ZC3H12B: variants seen among roughly 807,000 people sequenced by gnomAD.
ZC3H12B encodes probable ribonuclease ZC3H12B.
Under a neutral mutation model 43.9 loss-of-function variants are expected in ZC3H12B, and 7 were observed. The observed-to-expected ratio is 0.16, with a 90% CI of 0.09 to 0.30. The LOEUF (loss-of-function observed/expected upper bound fraction) is 0.30, where lower values mean the gene tolerates loss of function less well. Among genes scored for constraint, ZC3H12B ranks in the 10% least tolerant of loss-of-function variants. ZC3H12B has a pLI of 1.00. For missense variants in ZC3H12B, 475 were observed against 670.2 expected (o/e 0.71, Z 3.22); for synonymous variants, 222 against 241.7 (o/e 0.92, Z 0.76).
At chrX:65,157,929 C>G in the ZC3H12B span, among the ~76,000 whole-genome samples, 824 of 73,074 alleles carry the variant, frequency 0.011, 28 homozygotes, top group African/African-American at 0.033. Flanking sequence ...CCCCTCCCCC[C>G]ACCCCACAAC....
the ZC3H12B span, among the ~76,000 whole-genome samples, chrX:65,305,615 G>T: frequency 9.0e-6 from 1 of 111,322 alleles, no homozygotes; most frequent in Admixed American, 9.6e-5. Context: ...GTAATTCATT[G>T]CACCTATTGT....
intron 2 of ZC3H12B, among the ~76,000 whole-genome samples, chrX:65,380,737 G>A (rs972263059): frequency 9.0e-6 from 1 of 111,584 alleles, no homozygotes; most frequent in African/African-American, 3.3e-5. Context: ...GACACACATA[G>A]GCTCAAAATA....
At chrX:65,091,156 C>G in the ZC3H12B span, among the ~76,000 whole-genome samples, 3 of 109,947 alleles carry the variant, frequency 2.7e-5, no homozygotes, top group Admixed American at 2.9e-4. Flanking sequence ...CTATTGGTGT[C>G]ATACATGTCC....
chrX:65,338,374 A>C, the ZC3H12B span, among the ~76,000 whole-genome samples: 2 of 111,789 alleles, frequency 1.8e-5, no homozygotes, highest in Non-Finnish European at 3.8e-5. Flanking sequence ...TAATTTAAAA[A>C]CCCACCAACC....
chrX:65,332,030 T>G, the ZC3H12B span, among the ~76,000 whole-genome samples: 2 of 111,287 alleles, frequency 1.8e-5, no homozygotes, highest in African/African-American at 6.5e-5. Context: ...CAACCTTCTA[T>G]CTCATCCTGT....
At chrX:65,200,382 C>T in the ZC3H12B span, among the ~76,000 whole-genome samples, 1 of 101,644 alleles carries the variant, frequency 9.8e-6, no homozygotes, top group African/African-American at 3.6e-5. Context: ...CAAAAATTTT[C>T]TCTTATTCTG....
chrX:65,501,396 G>A (rs1043770180), intron 4 of ZC3H12B, among the ~76,000 whole-genome samples: 1 of 108,950 alleles, frequency 9.2e-6, no homozygotes, highest in Non-Finnish European at 1.9e-5. Context: ...GACTGCAGAC[G>A]TGCACCACCA....
At chrX:65,199,106 A>G in the ZC3H12B span, among the ~76,000 whole-genome samples, 1 of 107,446 alleles carries the variant, frequency 9.3e-6, no homozygotes, top group Non-Finnish European at 1.9e-5. Context: ...AAGACCAATA[A>G]CTTTTAGATT....
chrX:65,161,983 A>C, the ZC3H12B span, among the ~76,000 whole-genome samples: 2 of 111,368 alleles, frequency 1.8e-5, no homozygotes, highest in Non-Finnish European at 3.8e-5. Context: ...ATCTCTCAGC[A>C]TTTACTTGTC....
At chrX:65,053,967 C>A in the ZC3H12B span, among the ~76,000 whole-genome samples, 1 of 104,024 alleles carries the variant, frequency 9.6e-6, no homozygotes, top group African/African-American at 3.4e-5. Flanking sequence ...TTGCTTTTTT[C>A]TTGTAAATTT....
chrX:65,190,178 C>A, the ZC3H12B span, among the ~76,000 whole-genome samples: 1 of 110,383 alleles, frequency 9.1e-6, no homozygotes, highest in South Asian at 3.8e-4. Flanking sequence ...GGTACCAGTA[C>A]CATGCTGTTT....
intron 2 of ZC3H12B, among the ~76,000 whole-genome samples, chrX:65,385,309 TC>T (rs2066506988): frequency 8.9e-6 from 1 of 112,050 alleles, no homozygotes; most frequent in Non-Finnish European, 1.9e-5. Context: ...TTTGTTTGTG[TC>T]CTCTTTTATT....
the ZC3H12B span, among the ~76,000 whole-genome samples, chrX:65,213,197 A>G: frequency 9.1e-6 from 1 of 110,000 alleles, no homozygotes; most frequent in African/African-American, 3.3e-5. Context: ...TTCAGCACTT[A>G]AAAAAATCTA....
chrX:65,277,886 G>A, the ZC3H12B span, among the ~76,000 whole-genome samples: 1 of 110,509 alleles, frequency 9.0e-6, no homozygotes, highest in Admixed American at 9.7e-5. Flanking sequence ...AAATGAAATT[G>A]ACAATAAAGA....
the ZC3H12B span, among the ~76,000 whole-genome samples, chrX:65,279,297 CAT>C: frequency 4.0e-4 from 36 of 91,093 alleles, 1 homozygote; most frequent in African/African-American, 1.7e-3. Flanking sequence ...ACCTTACCAG[CAT>C]TTTTTTTTTT....
chrX:65,377,757 C>T (rs182152430), intron 2 of ZC3H12B, among the ~76,000 whole-genome samples: 10 of 111,480 alleles, frequency 9.0e-5, no homozygotes, highest in Admixed American at 5.7e-4. Context: ...ACATCAAATG[C>T]TAAAGGAAGT....
At chrX:65,272,626 G>T in the ZC3H12B span, 2 of 111,742 alleles carry the variant, frequency 1.8e-5, no homozygotes, top group East Asian at 2.8e-4. Flanking sequence ...CTCCATTTAT[G>T]ATGCCCTCTG....
At chrX:65,442,653 G>A (rs1167193343) in intron 3 of ZC3H12B, among the ~76,000 whole-genome samples, 1 of 112,206 alleles carries the variant, frequency 8.9e-6, no homozygotes, top group Admixed American at 9.4e-5. Flanking sequence ...AGACAAGCTC[G>A]AGTAAGAGTG....
chrX:65,170,955 T>C, the ZC3H12B span, among the ~76,000 whole-genome samples: 1 of 111,891 alleles, frequency 8.9e-6, no homozygotes, highest in Non-Finnish European at 1.9e-5. Context: ...TTCAAGGTTT[T>C]TAGCTTATTT....
Sources: allele counts gnomAD v4.1 joint callset (sites outside exome capture counted in the v4.1 genomes callset), GRCh38; gene constraint gnomAD v4.1.1; transcripts MANE v1.5; gene names NCBI Gene and HGNC (gene_info 2026-07-23, HGNC 2026-07-21).